SAXO1: variants seen among roughly 807,000 people sequenced by gnomAD.
SAXO1 encodes stabilizer of axonemal microtubules 1, also known as 4930500O09Rik.
Under a neutral mutation model 17.5 loss-of-function variants are expected in SAXO1, and 21 were observed. That is an observed-to-expected ratio of 1.20 (90% CI 0.85 to 1.72). The LOEUF (loss-of-function observed/expected upper bound fraction) is 1.72, where lower values mean the gene tolerates loss of function less well. Among genes scored for constraint, SAXO1 ranks in the 40% most tolerant of loss-of-function variants. SAXO1 has a pLI of 0.00. For missense variants in SAXO1, 843 were observed against 596.0 expected, an observed-to-expected ratio of 1.41 and a Z score of -4.32; for synonymous variants, 274 against 216.5, an observed-to-expected ratio of 1.27 and a Z score of -2.33.
At chr9:19,033,645 G>A (rs918943404), upstream of SAXO1, among the ~76,000 whole-genome samples, 1 of 152,218 alleles carries the variant, frequency 6.6e-6, no homozygotes, top group Non-Finnish European at 1.5e-5. Flanking sequence ...GCGCTCTTGA[G>A]AACACAGTGG....
In SAXO1 at chr9:18,928,882, T is replaced by C; in HGVS notation, c.595A>G (p.Ile199Val). Residue 199 changes from isoleucine to valine, a missense_variant, in exon 4 of 4, where the codon ATC becomes GTC. Physicochemically the swap from Ile to Val is conservative, Grantham distance 29 (BLOSUM62 3). Transcript: ENST00000380534. ...KPLAMPKLCN[I>V]PLEDVTNYKM... is the part of the protein sequence containing the mutation. ...TAGTTAGTCACATCCTCCAAGGGGA[T>C]GTTACAGAGCTTTGGCATGGCCAGA... The C allele has an allele frequency of 3.7e-6, 6 of 1,614,136 alleles. No homozygotes were observed. The highest frequency in any genetic ancestry group is 5.1e-6 in the Non-Finnish European group (6 of 1,180,030).
intron 2 of SAXO1, among the ~76,000 whole-genome samples, chr9:18,947,432 C>T (rs984475472): frequency 3.3e-5 from 5 of 152,140 alleles, no homozygotes; most frequent in Admixed American, 1.3e-4. Context: ...TGCCTTTCAG[C>T]CACACCCATC....
intron 1 of SAXO1, among the ~76,000 whole-genome samples, chr9:18,968,314 G>A (rs1188950482): frequency 6.6e-6 from 1 of 152,054 alleles, no homozygotes; most frequent in East Asian, 1.9e-4. Flanking sequence ...CAAAGCACTG[G>A]GATTACAGAT....
chr9:18,928,177 C>T lies in SAXO1; in HGVS notation c.1300G>A (p.Glu434Lys), dbSNP rs1830846349. The change falls in exon 4 of 4, where the codon GAA becomes AAA. Residue 434 changes from glutamate to lysine, a missense_variant. Transcript: ENST00000380534. ...YPEPPGYTFE[E>K]VDALGHRIYK... ...ATCCTGTGACCCAAAGCATCCACTT[C>T]CTCAAAGGTGTAGCCAGGAGGCTCA... 1 of 1,614,246 alleles carries T rather than the reference C, an allele frequency of 6.2e-7. No individual in the cohort carries two copies. Among genetic ancestry groups the T allele is most frequent in the Non-Finnish European group, 8.5e-7 (1 of 1,180,042 alleles).
chr9:19,014,846 G>A (rs1327390135), intron 1 of SAXO1, among the ~76,000 whole-genome samples: 5 of 152,190 alleles, frequency 3.3e-5, no homozygotes, highest in African/African-American at 1.2e-4. Flanking sequence ...CTGAGGGTCA[G>A]TGTTCCCTCT....
At chr9:19,036,254 T>TAAAAAAAAAAAAAAAAAAAAAA (rs66796545), upstream of SAXO1, among the ~76,000 whole-genome samples, 1 of 119,752 alleles carries the variant, frequency 8.4e-6, no homozygotes. Flanking sequence ...TAAAGTATAA[T>TAAAAAAAAAAAAAAAAAAAAAA]AAAAAAAAAA....
intron 1 of SAXO1, chr9:19,027,131 C>T: frequency 9.5e-7 from 1 of 1,057,076 alleles, no homozygotes; most frequent in Admixed American, 1.7e-5. Flanking sequence ...TCATCGAGCT[C>T]CTGGATGTTG....
chr9:18,939,353 C>A (rs1194385909), intron 3 of SAXO1, among the ~76,000 whole-genome samples: 1 of 152,236 alleles, frequency 6.6e-6, no homozygotes. Flanking sequence ...TGTGTGGTGC[C>A]TGCTGTGAGA....
chr9:18,992,557 A>G (rs1563966722), intron 1 of SAXO1, among the ~76,000 whole-genome samples: 3 of 152,172 alleles, frequency 2.0e-5, no homozygotes, highest in Admixed American at 1.3e-4. Flanking sequence ...TTGAGGTGGC[A>G]CAATTCAATC....
chr9:19,023,359 T>G (rs1443700046), intron 1 of SAXO1, among the ~76,000 whole-genome samples: 1 of 152,144 alleles, frequency 6.6e-6, no homozygotes, highest in Non-Finnish European at 1.5e-5. Context: ...CATCTACCTA[T>G]GCCTTACTGT....
intron 1 of SAXO1, among the ~76,000 whole-genome samples, chr9:19,006,294 C>T (rs984966124): frequency 6.6e-6 from 1 of 152,192 alleles, no homozygotes; most frequent in Non-Finnish European, 1.5e-5. Context: ...GAACTGAAAG[C>T]AGGGACTGAA....
At chr9:18,951,009 G>T in intron 1 of SAXO1, 72 bp from the exon 2 acceptor site, 1 of 1,421,182 alleles carries the variant, frequency 7.0e-7, no homozygotes. Context: ...GAGTACTTCC[G>T]CCAAATGTGA....
rs573409681 is a variant in SAXO1, at chr9:19,016,613, T to G, written c.38+16258A>C. 2.0e-5 allele frequency among the ~76,000 whole-genome samples: 3 copies of G among 152,046 alleles called. No individual in the cohort carries two copies. In the South Asian group the frequency reaches 6.2e-4, roughly 32 times the overall value. ...GCCACTGGCATCCAGTGGGTAGTGG[T>G]CAAGGATACTGCTAAACACCCTACA... On this transcript the variant is annotated intron_variant, in intron 1 of 3. Coordinates refer to ENST00000380534, the MANE Select transcript of SAXO1 (RefSeq NM_153707.4).
chr9:19,030,630 C>A (rs1231904160), intron 1 of SAXO1, among the ~76,000 whole-genome samples: 2 of 151,930 alleles, frequency 1.3e-5, no homozygotes, highest in Admixed American at 1.3e-4. Flanking sequence ...CGTTTGAACC[C>A]AGCAGGCGGA....
chr9:19,016,571 T>C (rs1056155030), intron 1 of SAXO1, among the ~76,000 whole-genome samples: 1 of 152,096 alleles, frequency 6.6e-6, no homozygotes, highest in African/African-American at 2.4e-5. Context: ...TTTTTGATTG[T>C]CAAAAGTGGG....
chr9:19,004,710 C>T (rs1185065072), intron 1 of SAXO1, among the ~76,000 whole-genome samples: 1 of 151,964 alleles, frequency 6.6e-6, no homozygotes, highest in Non-Finnish European at 1.5e-5. Context: ...ACCCTGGGGG[C>T]CTGTTGTGGA....
chr9:19,013,577 G>A (rs943097231), intron 1 of SAXO1, among the ~76,000 whole-genome samples: 5 of 116,050 alleles, frequency 4.3e-5, no homozygotes, highest in African/African-American at 6.8e-5. Flanking sequence ...GACAGAGTCT[G>A]GCTCTGTCAC....
chr9:18,947,363 G>T (rs895530861), intron 2 of SAXO1, among the ~76,000 whole-genome samples: 2 of 151,972 alleles, frequency 1.3e-5, no homozygotes, highest in African/African-American at 4.8e-5. Context: ...ACTCTCCTTG[G>T]TTTACCAAGG....
At chr9:19,020,887 A>G (rs1835203403) in intron 1 of SAXO1, among the ~76,000 whole-genome samples, 1 of 152,178 alleles carries the variant, frequency 6.6e-6, no homozygotes, top group Admixed American at 6.5e-5. Context: ...CATCTGTTGA[A>G]ACTCTTCTGG....
Sources: gnomAD v4.1 joint callset for allele counts (sites outside exome capture counted in the v4.1 genomes callset) on GRCh38, gnomAD v4.1.1 for gene constraint, MANE v1.5 for transcripts, NCBI Gene and HGNC (gene_info 2026-07-23, HGNC 2026-07-21) for gene names.